CTNNA3: variants seen among roughly 807,000 people sequenced by gnomAD.
CTNNA3 encodes the protein catenin alpha 3, also known as catenin alpha-3.
A neutral mutation model predicts 95.7 loss-of-function variants in CTNNA3; 76 were observed. The ratio of observed to expected loss-of-function variants is 0.79; its 90% confidence interval spans 0.66 to 0.96. CTNNA3 has a LOEUF of 0.96. Ranked by LOEUF, CTNNA3 falls within the 40% of genes least tolerant of loss-of-function variation. CTNNA3 has a pLI of 0.00. For synonymous variants in CTNNA3, 431 were observed against 374.4 expected (o/e 1.15, Z -1.74); for missense variants, 1,191 against 1,089.8 (o/e 1.09, Z -1.31).
intron 7 of CTNNA3, among the ~76,000 whole-genome samples, chr10:66,961,708 C>A (rs754137617): frequency 1.3e-5 from 2 of 152,096 alleles, no homozygotes; most frequent in South Asian, 4.1e-4. Context: ...ATTATCTATA[C>A]AATATTTGCA....
At chr10:67,365,393 A>T (rs1221930642) in intron 5 of CTNNA3, among the ~76,000 whole-genome samples, 1 of 152,238 alleles carries the variant, frequency 6.6e-6, no homozygotes, top group Non-Finnish European at 1.5e-5. Context: ...ATTAAACTAA[A>T]GAGCTTCTGC....
At chr10:67,374,577 G>A (rs1843620516) in intron 5 of CTNNA3, among the ~76,000 whole-genome samples, 1 of 151,772 alleles carries the variant, frequency 6.6e-6, no homozygotes, top group African/African-American at 2.4e-5. Flanking sequence ...AGACTTTTTT[G>A]CTTTAAATCC....
At chr10:67,553,844 T>C (rs1279159598) in intron 3 of CTNNA3, among the ~76,000 whole-genome samples, 4 of 152,130 alleles carry the variant, frequency 2.6e-5, no homozygotes, top group African/African-American at 9.7e-5. Flanking sequence ...TGTGCCATGT[T>C]GGTGTGCTGC....
At chr10:66,459,614 G>T (rs1412617009) in intron 11 of CTNNA3, among the ~76,000 whole-genome samples, 1 of 152,106 alleles carries the variant, frequency 6.6e-6, no homozygotes, top group East Asian at 1.9e-4. Flanking sequence ...TATGTTGTTA[G>T]GTGATTTTGT....
chr10:66,261,609 A>G (rs1483357674), intron 13 of CTNNA3, among the ~76,000 whole-genome samples: 1 of 152,064 alleles, frequency 6.6e-6, no homozygotes, highest in African/African-American at 2.4e-5. Context: ...GTAAGTATTA[A>G]TCAGGCTGCA....
intron 5 of CTNNA3, among the ~76,000 whole-genome samples, chr10:67,488,336 G>A (rs1352176780): frequency 6.6e-6 from 1 of 152,154 alleles, no homozygotes; most frequent in Non-Finnish European, 1.5e-5. Context: ...AAATGGGCAA[G>A]ACTCTATGGG....
intron 3 of CTNNA3, among the ~76,000 whole-genome samples, chr10:67,590,440 T>C (rs769333652): frequency 1.3e-5 from 2 of 152,260 alleles, no homozygotes; most frequent in Non-Finnish European, 2.9e-5. Flanking sequence ...CATGCATATA[T>C]GGAACTTTGG....
chr10:66,006,587 T>A (rs1446498667), intron 15 of CTNNA3, among the ~76,000 whole-genome samples: 1 of 152,138 alleles, frequency 6.6e-6, no homozygotes, highest in African/African-American at 2.4e-5. Context: ...TCCCTCTTTT[T>A]CCTGTTGGCA....
chr10:66,230,652 T>A (rs1365992491), intron 13 of CTNNA3, among the ~76,000 whole-genome samples: 1 of 152,136 alleles, frequency 6.6e-6, no homozygotes, highest in African/African-American at 2.4e-5. Context: ...AGGCTCCTCA[T>A]GGGACAGTCC....
At chr10:67,579,832 G>C (rs995493959) in intron 3 of CTNNA3, among the ~76,000 whole-genome samples, 1 of 152,096 alleles carries the variant, frequency 6.6e-6, no homozygotes. Context: ...TCATGTGTCT[G>C]TTGGCTGCAT....
chr10:66,648,904 T>A (rs1163652423), intron 9 of CTNNA3, among the ~76,000 whole-genome samples: 3 of 152,172 alleles, frequency 2.0e-5, no homozygotes, highest in Non-Finnish European at 4.4e-5. Context: ...TCCATCTGCA[T>A]ATAGCTGGGT....
chr10:67,101,441 C>A lies in CTNNA3; in HGVS notation c.1047+78876G>T, dbSNP rs565605103. 3.7e-5 allele frequency among the ~76,000 whole-genome samples: 4 copies of A among 108,156 alleles called. No individual in the cohort carries two copies. In the South Asian group the frequency reaches 1.0e-3, roughly 28 times the overall value. 71.0% of individuals were successfully genotyped at this position (108,156 alleles called of 152,430 possible). ...TTTTTTTACTTGTAATAATAGAGAA[C>A]AATTTTCTCCATTTTCTTATAAGAA... On this transcript the variant is annotated intron_variant, in intron 7 of 17. Transcript: ENST00000433211.
At chr10:66,153,047 A>G (rs1233273758) in intron 13 of CTNNA3, among the ~76,000 whole-genome samples, 1 of 151,746 alleles carries the variant, frequency 6.6e-6, no homozygotes, top group Non-Finnish European at 1.5e-5. Flanking sequence ...CTTCATATTG[A>G]TCTATCTTAA....
At chr10:67,434,530 G>A (rs1214322171) in intron 5 of CTNNA3, among the ~76,000 whole-genome samples, 1 of 151,746 alleles carries the variant, frequency 6.6e-6, no homozygotes, top group Non-Finnish European at 1.5e-5. Flanking sequence ...TTGCTGAATG[G>A]CATTTACTGA....
At chr10:67,754,394 C>A (rs924836526) in intron 1 of CTNNA3, among the ~76,000 whole-genome samples, 1 of 152,030 alleles carries the variant, frequency 6.6e-6, no homozygotes, top group Non-Finnish European at 1.5e-5. Context: ...GTACAGCAAA[C>A]CACCATGGCA....
chr10:67,707,761 T>C (rs1841086283), intron 1 of CTNNA3, among the ~76,000 whole-genome samples: 1 of 152,072 alleles, frequency 6.6e-6, no homozygotes. Context: ...TCAAGGAAAA[T>C]TTCCTGGTGA....
rs146799047 is a variant in CTNNA3 at position 66,451,500 on chromosome 10, G to A, written c.1531+69117C>T. Among the ~76,000 whole-genome samples the A allele has an allele frequency of 5.9e-3, 901 of 152,100 alleles. 19 individuals carry two copies. The highest frequency in any genetic ancestry group is 0.034 in the Admixed American group (517 of 15,252). ...TATCTTTCAGATGCTATATAAAAATGGTCTAGATTCGAAGCAATTTGTTAA... is the reference window on the plus strand; with the variant it reads ...TATCTTTCAGATGCTATATAAAAATAGTCTAGATTCGAAGCAATTTGTTAA... On this transcript the variant is annotated intron_variant, in intron 11 of 17. Coordinates refer to ENST00000433211, the MANE Select transcript of CTNNA3 (RefSeq NM_013266.4).
At chr10:67,447,376 G>A (rs1308998977) in intron 5 of CTNNA3, among the ~76,000 whole-genome samples, 2 of 152,172 alleles carry the variant, frequency 1.3e-5, no homozygotes, top group Non-Finnish European at 2.9e-5. Flanking sequence ...ACACAATCTA[G>A]TTTAATGCTT....
intron 9 of CTNNA3, among the ~76,000 whole-genome samples, chr10:66,757,792 C>A (rs1343779409): frequency 6.6e-6 from 1 of 152,100 alleles, no homozygotes; most frequent in Non-Finnish European, 1.5e-5. Context: ...ACCTTTATCC[C>A]TTTAATCTCT....
Sources: allele counts gnomAD v4.1 joint callset (sites outside exome capture counted in the v4.1 genomes callset), GRCh38; gene constraint gnomAD v4.1.1; transcripts MANE v1.5; gene names NCBI Gene and HGNC (gene_info 2026-07-23, HGNC 2026-07-21).